SOCS6: variants seen among roughly 807,000 people sequenced by gnomAD.
SOCS6 encodes suppressor of cytokine signaling 6, also known as STAT induced STAT inhibitor-4.
In SOCS6, 5 loss-of-function variants were observed where a neutral mutation model predicts 27.7. That is an observed-to-expected ratio of 0.18 (90% confidence interval 0.09 to 0.38). The LOEUF (loss-of-function observed/expected upper bound fraction) is 0.38. Ranked by LOEUF, SOCS6 falls within the 10% of genes least tolerant of loss-of-function variation. The pLI, the probability that SOCS6 is intolerant of heterozygous loss-of-function variation, is 1.00. For missense variants in SOCS6, 595 were observed against 688.1 expected (o/e 0.86, Z 1.51); for synonymous variants, 271 against 260.0 (o/e 1.04, Z -0.41).
At chr18:70,318,164 A>G (rs757566812) in intron 1 of SOCS6, among the ~76,000 whole-genome samples, 4 of 151,962 alleles carry the variant, frequency 2.6e-5, no homozygotes, top group Non-Finnish European at 2.9e-5. Context: ...CCTATTATTT[A>G]TTATATAGTT....
chr18:70,311,765 G>C (rs1275346707), intron 1 of SOCS6, among the ~76,000 whole-genome samples: 1 of 152,064 alleles, frequency 6.6e-6, no homozygotes, highest in Non-Finnish European at 1.5e-5. Flanking sequence ...AATGTGTAGT[G>C]GGCATCTCGC....
Position 70,325,764 on chromosome 18 carries a change from C to T in SOCS6, c.1096C>T (p.Pro366Ser), listed in dbSNP as rs1183745713. 3 of 1,614,196 alleles carry T rather than the reference C, an allele frequency of 1.9e-6. No individual in the cohort carries two copies. The South Asian group carries it at 3.3e-5, about 18-fold the overall frequency. Reference sequence around the variant, plus strand: ...TTATGACTCAGTGCAAAGTAGTGGTCCCATGGTTGTGACAAGCCTTACAGA... The same window carrying T: ...TTATGACTCAGTGCAAAGTAGTGGTTCCATGGTTGTGACAAGCCTTACAGA... The part of the protein sequence containing the change: ...RVYDSVQSSG[P>S]MVVTSLTEEL... The change falls in exon 2 of 2, where the codon CCC (proline) becomes TCC (serine). Residue 366 changes from proline to serine, a missense_variant. By Grantham distance (74) the Pro-to-Ser change is moderately conservative. Coordinates refer to ENST00000397942, the MANE Select transcript of SOCS6 (RefSeq NM_004232.4). The surrounding 1 kb of genome is among the most constrained non-coding windows in gnomAD (Gnocchi z 6.3).
chr18:70,306,347 G>A (rs1333385579), intron 1 of SOCS6, among the ~76,000 whole-genome samples: 3 of 151,504 alleles, frequency 2.0e-5, no homozygotes, highest in African/African-American at 4.9e-5. Flanking sequence ...GGTGGCGCAC[G>A]CTACTGGGGA....
intron 1 of SOCS6, among the ~76,000 whole-genome samples, chr18:70,304,389 A>C (rs2062360627): frequency 6.6e-6 from 1 of 151,960 alleles, no homozygotes. Flanking sequence ...GAAAAAAAAA[A>C]CTTTGCTTAA....
chr18:70,310,123 G>A (rs915979678), intron 1 of SOCS6, among the ~76,000 whole-genome samples: 8 of 152,100 alleles, frequency 5.3e-5, no homozygotes, highest in African/African-American at 1.4e-4. Context: ...TTAAATTGAC[G>A]TACACACTTA....
intron 1 of SOCS6, among the ~76,000 whole-genome samples, chr18:70,306,866 G>A (rs905259047): frequency 3.3e-5 from 5 of 152,178 alleles, no homozygotes; most frequent in African/African-American, 1.2e-4. Context: ...ATGCTGTAGT[G>A]CATCAATTGG....
chr18:70,311,910 C>T (rs750046852), intron 1 of SOCS6, among the ~76,000 whole-genome samples: 55 of 152,024 alleles, frequency 3.6e-4, no homozygotes, highest in Non-Finnish European at 5.7e-4. Flanking sequence ...GTAAATGTTT[C>T]GTGTAGGGAA....
intron 1 of SOCS6, among the ~76,000 whole-genome samples, chr18:70,319,278 A>G (rs1200051535): frequency 6.6e-6 from 1 of 152,238 alleles, no homozygotes; most frequent in Non-Finnish European, 1.5e-5. Flanking sequence ...TGAACCATGC[A>G]GGTTCAGAAA....
chr18:70,324,553 C>A lies in SOCS6; in HGVS notation c.-116C>A. 1.5e-6 allele frequency: 1 copy of A among 676,968 alleles called. No homozygotes were observed. Among genetic ancestry groups the A allele is most frequent in the Non-Finnish European group, 2.4e-6 (1 of 409,482 alleles). The allele number at this position is 676,968 out of a possible 1,614,324, so 41.9% of individuals were successfully genotyped here. ...ATTTTTATTTTTTAGAAAATGGCTC[C>A]AAAGGTTAAATGAAGCAGGAAAAAT... On this transcript the variant is annotated 5_prime_UTR_variant, in exon 2 of 2. Coordinates refer to ENST00000397942, the MANE Select transcript of SOCS6 (RefSeq NM_004232.4).
chr18:70,292,515 T>A (rs2062304456), intron 1 of SOCS6, among the ~76,000 whole-genome samples: 1 of 151,704 alleles, frequency 6.6e-6, no homozygotes, highest in South Asian at 2.3e-4. Flanking sequence ...CCCAGCTGAT[T>A]TTTTTTAATT....
chr18:70,312,192 C>T (rs1427808792), intron 1 of SOCS6, among the ~76,000 whole-genome samples: 1 of 152,194 alleles, frequency 6.6e-6, no homozygotes, highest in Non-Finnish European at 1.5e-5. Flanking sequence ...TGAACTTACG[C>T]AGTCTGGTTC....
chr18:70,307,301 G>C (rs2062373552), intron 1 of SOCS6, among the ~76,000 whole-genome samples: 1 of 152,170 alleles, frequency 6.6e-6, no homozygotes. Context: ...GTTCATGATG[G>C]ATATTGATTT....
intron 1 of SOCS6, among the ~76,000 whole-genome samples, chr18:70,316,688 T>C (rs1600163435): frequency 6.6e-6 from 1 of 152,090 alleles, no homozygotes; most frequent in East Asian, 1.9e-4. Context: ...TCCATTTTTT[T>C]CTGTTAGAGG....
rs1396773472 is a variant in SOCS6 at position 70,324,742 on chromosome 18, T to C, written c.74T>C (p.Met25Thr). 1.2e-6 allele frequency: 2 copies of C among 1,612,810 alleles called. No individual in the cohort carries two copies. The highest frequency in any genetic ancestry group is 1.7e-5 in the Admixed American group (1 of 60,010). The change falls in exon 2 of 2, where the codon ATG becomes ACG. Residue 25 changes from methionine (M) to threonine (T), a missense_variant. Physicochemically the swap from Met to Thr is moderately conservative, Grantham distance 81. This residue lies in a region of SOCS6 where 467 missense variants were observed against 481.1 expected (regional missense o/e 0.97). Transcript: ENST00000397942. ...LNKSKEETDF[M>T]VVQQPSLASD... Reference sequence around the variant, plus strand: ...AAAAGTAAAGAAGAAACTGATTTCATGGTAGTACAACAACCATCGCTAGCC... The same window carrying C: ...AAAAGTAAAGAAGAAACTGATTTCACGGTAGTACAACAACCATCGCTAGCC...
chr18:70,297,998 T>C (rs1357778819), intron 1 of SOCS6, among the ~76,000 whole-genome samples: 1 of 152,210 alleles, frequency 6.6e-6, no homozygotes, highest in African/African-American at 2.4e-5. Context: ...AATTGCTCTT[T>C]AAATTAGAGC....
At chr18:70,307,365 A>G (rs955811608) in intron 1 of SOCS6, among the ~76,000 whole-genome samples, 1 of 152,268 alleles carries the variant, frequency 6.6e-6, no homozygotes, top group Non-Finnish European at 1.5e-5. Flanking sequence ...CTGGCCTCAC[A>G]GAATGGCTTG....
At chr18:70,306,359 G>C (rs534038283) in intron 1 of SOCS6, among the ~76,000 whole-genome samples, 19 of 151,130 alleles carry the variant, frequency 1.3e-4, no homozygotes, top group African/African-American at 4.6e-4. Context: ...TACTGGGGAG[G>C]CTACTGGGGA....
intron 1 of SOCS6, among the ~76,000 whole-genome samples, chr18:70,316,580 A>C (rs1208368510): frequency 1.3e-5 from 2 of 152,098 alleles, no homozygotes; most frequent in African/African-American, 2.4e-5. Context: ...TACTTTTCAT[A>C]ATGTGCCCCT....
rs554745667 is a variant in SOCS6, at chr18:70,314,732, C to T, written c.-126-9811C>T. Among the ~76,000 whole-genome samples the T allele has an allele frequency of 2.6e-5, 4 of 152,188 alleles. No individual in the cohort carries two copies. In the East Asian group the frequency reaches 7.7e-4, roughly 29 times the overall value. ...TTTCATAAGGATAATTTTGTCCTCTCCTTTCCAATATTTATATTTATTTCT... is the reference window on the plus strand; with the variant it reads ...TTTCATAAGGATAATTTTGTCCTCTTCTTTCCAATATTTATATTTATTTCT... On this transcript the variant is annotated intron_variant, in intron 1 of 1. Transcript: ENST00000397942.
Sources: gnomAD v4.1 joint callset for allele counts (sites outside exome capture counted in the v4.1 genomes callset) on GRCh38, gnomAD v4.1.1 for gene constraint, gnomAD v4.1.1 regional missense constraint, Gnocchi (gnomAD v3.1) non-coding constraint, MANE v1.5 for transcripts, NCBI Gene and HGNC (gene_info 2026-07-23, HGNC 2026-07-21) for gene names.